The following RAD51B variants were observed in gnomAD, a reference collection of about 807,000 sequenced individuals.
RAD51B encodes the protein DNA repair protein RAD51 homolog 2.
RAD51B carries 38 observed loss-of-function variants against 42.2 expected under a neutral mutation model. The ratio of observed to expected loss-of-function variants is 0.90; its 90% CI spans 0.70 to 1.18. The LOEUF (loss-of-function observed/expected upper bound fraction) is 1.18. Ranked by LOEUF, RAD51B falls within the 50% of genes most tolerant of loss-of-function variation. The probability of loss-of-function intolerance (pLI) is 0.00; values close to 1 mark genes in which losing one functional copy is unlikely to be tolerated. For synonymous variants in RAD51B, 154 were observed against 145.2 expected (o/e 1.06, Z -0.43); for missense variants, 373 against 400.7 (o/e 0.93, Z 0.59).
At chr14:68,584,819 G>A (rs1383366422) in intron 10 of RAD51B, among the ~76,000 whole-genome samples, 6 of 152,096 alleles carry the variant, frequency 3.9e-5, no homozygotes, top group Non-Finnish European at 8.8e-5. Context: ...TCCATGTTAT[G>A]TAGAAATCAT....
At chr14:68,252,630 C>T (rs1016391167) in intron 7 of RAD51B, among the ~76,000 whole-genome samples, 3 of 152,154 alleles carry the variant, frequency 2.0e-5, no homozygotes, top group African/African-American at 7.2e-5. Context: ...GGAAAAAATA[C>T]ACTTTATTCT....
chr14:68,215,134 A>G (rs2079787390), intron 7 of RAD51B, among the ~76,000 whole-genome samples: 1 of 152,206 alleles, frequency 6.6e-6, no homozygotes, highest in Admixed American at 6.5e-5. Flanking sequence ...TTATCATCAT[A>G]ATAACCCTAT....
chr14:68,193,403 A>C (rs1311911774), intron 7 of RAD51B, among the ~76,000 whole-genome samples: 2 of 152,146 alleles, frequency 1.3e-5, no homozygotes, highest in Non-Finnish European at 2.9e-5. Flanking sequence ...ACAAGAAGCA[A>C]ACTTATTGAG....
chr14:68,537,158 C>G (rs1594952750), intron 10 of RAD51B, among the ~76,000 whole-genome samples: 4 of 150,958 alleles, frequency 2.6e-5, no homozygotes, highest in African/African-American at 9.7e-5. Flanking sequence ...GCACATGTCC[C>G]TGAATAGAGA....
At chr14:68,517,655 A>G (rs972384064) in intron 10 of RAD51B, among the ~76,000 whole-genome samples, 1 of 152,230 alleles carries the variant, frequency 6.6e-6, no homozygotes, top group Non-Finnish European at 1.5e-5. Flanking sequence ...AATGTGCTAC[A>G]TGCTAAGACG....
chr14:68,283,868 C>T (rs1309120706), intron 7 of RAD51B, among the ~76,000 whole-genome samples: 21 of 152,218 alleles, frequency 1.4e-4, no homozygotes, highest in Admixed American at 1.4e-3. Flanking sequence ...CTTAGGGAGC[C>T]ACATGGTTAT....
At chr14:67,962,203 G>A (rs1347540212) in intron 7 of RAD51B, among the ~76,000 whole-genome samples, 1 of 152,076 alleles carries the variant, frequency 6.6e-6, no homozygotes, top group African/African-American at 2.4e-5. Flanking sequence ...AAAGCAATTT[G>A]GTTAACAATG....
At chr14:68,432,540 G>T (rs1156482293) in intron 9 of RAD51B, among the ~76,000 whole-genome samples, 1 of 152,070 alleles carries the variant, frequency 6.6e-6, no homozygotes, top group Admixed American at 6.6e-5. Context: ...TTTGTTGGTT[G>T]AAAGTCTGTT....
chr14:68,365,341 G>T (rs2083119937), intron 8 of RAD51B, among the ~76,000 whole-genome samples: 1 of 152,248 alleles, frequency 6.6e-6, no homozygotes, highest in Non-Finnish European at 1.5e-5. Flanking sequence ...GGAAGACAAA[G>T]AACTGTCCTG....
At chr14:68,628,537 C>G (rs1409475204) in intron 10 of RAD51B, 1 of 152,246 alleles carries the variant, frequency 6.6e-6, no homozygotes, top group Non-Finnish European at 1.5e-5. Context: ...CATCCCTGCT[C>G]CAAATCCCCG....
intron 11 of RAD51B, among the ~76,000 whole-genome samples, chr14:68,661,620 T>A (rs943410783): frequency 3.3e-5 from 5 of 152,210 alleles, no homozygotes; most frequent in African/African-American, 1.2e-4. Flanking sequence ...CATCATGGGT[T>A]GGTATGCCCA....
At chr14:67,820,790 C>T (rs1281574177) in intron 1 of RAD51B, among the ~76,000 whole-genome samples, 1 of 152,066 alleles carries the variant, frequency 6.6e-6, no homozygotes, top group African/African-American at 2.4e-5. Flanking sequence ...ACCTTAAGTA[C>T]TATGTGCCAC....
chr14:68,391,134 T>TTGTC (rs2083739539), intron 8 of RAD51B, among the ~76,000 whole-genome samples: 1 of 109,080 alleles, frequency 9.2e-6, no homozygotes, highest in Non-Finnish European at 1.9e-5. Flanking sequence ...TTTATGAGAC[T>TTGTC]TGTCTTTCTT....
intron 10 of RAD51B, among the ~76,000 whole-genome samples, chr14:68,624,932 A>G (rs1455058623): frequency 2.6e-5 from 4 of 152,178 alleles, no homozygotes; most frequent in Admixed American, 2.6e-4. Context: ...GGTGCCACAC[A>G]TGGAGCTAAG....
intron 10 of RAD51B, among the ~76,000 whole-genome samples, chr14:68,491,374 CA>C (rs1884061141): frequency 6.6e-6 from 1 of 152,230 alleles, no homozygotes; most frequent in Non-Finnish European, 1.5e-5. Context: ...CACAAACTGT[CA>C]CTGACCATTT....
chr14:68,349,128 A>C (rs1203608523), intron 8 of RAD51B, among the ~76,000 whole-genome samples: 1 of 152,128 alleles, frequency 6.6e-6, no homozygotes, highest in African/African-American at 2.4e-5. Context: ...CATGTCACAA[A>C]ATTTTTTTTG....
At chr14:67,858,940 A>G (rs1285905794) in intron 4 of RAD51B, among the ~76,000 whole-genome samples, 1 of 152,246 alleles carries the variant, frequency 6.6e-6, no homozygotes, top group African/African-American at 2.4e-5. Flanking sequence ...AAAGTTCCAT[A>G]AAAATGTTTA....
At chr14:67,837,482 A>G (rs1339688235) in intron 4 of RAD51B, among the ~76,000 whole-genome samples, 1 of 152,170 alleles carries the variant, frequency 6.6e-6, no homozygotes, top group African/African-American at 2.4e-5. Context: ...GTTGTTATCT[A>G]ATTGGCTGAC....
chr14:68,441,535 C>A (rs1200725673), intron 9 of RAD51B, among the ~76,000 whole-genome samples: 3 of 82,208 alleles, frequency 3.6e-5, no homozygotes, highest in Admixed American at 1.6e-4. Context: ...GAGCAAGACT[C>A]CATCTCAAAA....
Sources: allele counts gnomAD v4.1 joint callset (sites outside exome capture counted in the v4.1 genomes callset), GRCh38; gene constraint gnomAD v4.1.1; transcripts MANE v1.5; gene names NCBI Gene and HGNC (gene_info 2026-07-23, HGNC 2026-07-21).